The following GPR179 variants were observed in gnomAD, a reference collection of about 807,000 sequenced individuals.
GPR179 encodes the protein probable G protein-coupled receptor 179.
A neutral mutation model predicts 70.8 loss-of-function variants in GPR179; 52 were observed. That is an observed-to-expected ratio of 0.73 (90% confidence interval 0.59 to 0.93). GPR179 has a LOEUF of 0.93. Among genes scored for constraint, GPR179 ranks in the 40% least tolerant of loss-of-function variants. The pLI, the probability that GPR179 is intolerant of heterozygous loss-of-function variation, is 0.00. For synonymous variants in GPR179, 1,123 were observed against 1,169.0 expected, an observed-to-expected ratio of 0.96 and a Z score of 0.80; for missense variants, 2,734 against 2,966.8, an observed-to-expected ratio of 0.92 and a Z score of 1.82.
rs1233533520 is a variant in GPR179, at chr17:38,329,080, TC to T, written c.4488del (p.Thr1497GlnfsTer26). The part of the protein sequence containing the change: ...NVMGQEMLSL[G>X]TGRESLQEKE... ...TTTTCTTGAAGAGATTCTCTACCTG[TC>T]CCCAGACTCAGCATTTCCTGCCCCA... On this transcript the variant is annotated frameshift_variant, in exon 11 of 11. Coordinates refer to ENST00000616987, the MANE Select transcript of GPR179 (RefSeq NM_001004334.4). LOFTEE classifies it low-confidence loss of function (END_TRUNC). 22 of 1,612,604 alleles carry T rather than the reference TC, an allele frequency of 1.4e-5. No homozygotes were observed. Among genetic ancestry groups the T allele is most frequent in the Non-Finnish European group, 1.9e-5 (22 of 1,179,708 alleles).
rs2037475076 is a variant in GPR179 at position 38,343,899 on chromosome 17, T to C, written c.-110A>G. ...CCACGCCTCCTATGCTGGCGTTCCT[T>C]CTTCCTCTCTCCGTCTCCCTCTCAC... On this transcript the variant is annotated 5_prime_UTR_variant, in exon 1 of 11. Coordinates refer to ENST00000616987, the MANE Select transcript of GPR179 (RefSeq NM_001004334.4). The surrounding 1 kb of genome is among the most constrained non-coding windows in gnomAD (Gnocchi z 4.2). The C allele has an allele frequency of 4.6e-6, 4 of 861,116 alleles. No individual in the cohort carries two copies. Among genetic ancestry groups the C allele is most frequent in the South Asian group, 2.0e-5 (1 of 49,330 alleles). The allele number at this position is 861,116 out of a possible 1,614,324, so 53.3% of individuals were successfully genotyped here.
chr17:38,330,947 C>A lies in GPR179; in HGVS notation c.2622G>T (p.Lys874Asn). ...CCAGGCTGGCCATGGCTGCCTTGGC[C>A]TTCTTCCGCTCCTCCCGCTCCTTTG... ...RQAKEREERK[K>N]AKAAMASLVR... is the part of the protein sequence containing the mutation. Residue 874 changes from lysine to asparagine, a missense_variant, in exon 11 of 11, where the codon AAG (lysine) becomes AAT (asparagine). Lys to Asn is a moderately conservative substitution (Grantham distance 94, BLOSUM62 0). Transcript: ENST00000616987. 6.2e-7 allele frequency: 1 copy of A among 1,611,068 alleles called. No individual in the cohort carries two copies. The highest frequency in any genetic ancestry group is 8.5e-7 in the Non-Finnish European group (1 of 1,178,986).
chr17:38,339,057 C>T (rs1255548957), intron 2 of GPR179, among the ~76,000 whole-genome samples: 1 of 152,126 alleles, frequency 6.6e-6, no homozygotes, highest in Non-Finnish European at 1.5e-5. Flanking sequence ...AGCTGTGTTA[C>T]ATGAAGAATG....
At chr17:38,336,171 A>G in intron 4 of GPR179, 27 bp from the exon 5 acceptor site, 1 of 1,537,094 alleles carries the variant, frequency 6.5e-7, no homozygotes, top group Non-Finnish European at 9.0e-7. Context: ...GAGGCATGTG[A>G]GCAGAGTCTG....
At position 38,330,472 on chromosome 17, in the gene GPR179, G is replaced by A. The variant is rs1178660341; in HGVS notation, c.3097C>T (p.Leu1033Phe). Residue 1033 changes from leucine to phenylalanine, a missense_variant, in exon 11 of 11, where the codon CTC (leucine) becomes TTC (phenylalanine). Transcript: ENST00000616987. ...CTGCTTTTCTCTACTGCAACAGAGA[G>A]GGCCCTCCAGAGCCTGGCTCGAGCT... Reference protein sequence around the residue: ...APARARLWRALSVAVEKSRAG... With the variant: ...APARARLWRAFSVAVEKSRAG... 6.4e-7 allele frequency: 1 copy of A among 1,560,690 alleles called. No homozygotes were observed. Among genetic ancestry groups the A allele is most frequent in the Non-Finnish European group, 8.7e-7 (1 of 1,150,880 alleles).
At chr17:38,333,807 TCA>T in intron 9 of GPR179, 124 bp downstream of exon 9, 1 of 674,834 alleles carries the variant, frequency 1.5e-6, no homozygotes, top group East Asian at 2.8e-5. Context: ...GGCACTGTGC[TCA>T]CTCACCCAGC....
rs780392342 is a variant in GPR179, at chr17:38,334,758, A to G, written c.1730T>C (p.Met577Thr). The change falls in exon 8 of 11, where the codon ATG becomes ACG. Residue 577 changes from methionine to threonine, a missense_variant. By Grantham distance (81) the Met-to-Thr change is moderately conservative. Transcript: ENST00000616987. The surrounding 1 kb of genome is among the most constrained non-coding windows in gnomAD (Gnocchi z 4.7). ...VLSAFHEPRYMGIALHNELLL... is the reference protein window; with the variant it reads ...VLSAFHEPRYTGIALHNELLL... ...TAGCTCATTGTGCAGGGCGATGCCC[A>G]TGTAGCGTGGCTCATGGAAGGCCGA... 3 of 1,613,842 alleles carry G rather than the reference A, an allele frequency of 1.9e-6. No individual in the cohort carries two copies. Among genetic ancestry groups the G allele is most frequent in the Non-Finnish European group, 2.5e-6 (3 of 1,179,988 alleles).
At position 38,335,594 on chromosome 17, in the gene GPR179, T is replaced by A. The variant is rs1456083272; in HGVS notation, c.1403A>T (p.Tyr468Phe). The A allele has an allele frequency of 6.2e-7, 1 of 1,609,136 alleles. No individual in the cohort carries two copies. The highest frequency in any genetic ancestry group is 1.3e-5 in the African/African-American group (1 of 74,902). Residue 468 changes from tyrosine (Y) to phenylalanine (F), a missense_variant, in exon 6 of 11, where the codon TAC becomes TTC. Coordinates refer to ENST00000616987, the MANE Select transcript of GPR179 (RefSeq NM_001004334.4). ...IVYGTIILKL[Y>F]RVLQLFLSRT... ...CAAAGTCTGCCCCAGGCCGTACCTGTAAAGCTTGAGTATGATGGTGCCGTA... is the reference window on the plus strand; with the variant it reads ...CAAAGTCTGCCCCAGGCCGTACCTGAAAAGCTTGAGTATGATGGTGCCGTA...
intron 1 of GPR179, among the ~76,000 whole-genome samples, chr17:38,342,110 CTG>C (rs956741644): frequency 4.0e-5 from 6 of 150,504 alleles, no homozygotes; most frequent in African/African-American, 1.5e-4. Flanking sequence ...GAGCGAGACT[CTG>C]TCTTGAAAAA....
At chr17:38,337,828 G>T in intron 2 of GPR179, 108 bp from the exon 3 acceptor site, 1 of 920,372 alleles carries the variant, frequency 1.1e-6, no homozygotes, top group Non-Finnish European at 1.7e-6. Context: ...CATGGGACTT[G>T]GGTCCACACT....
chr17:38,326,220 G>C lies in GPR179; in HGVS notation c.*245C>G, dbSNP rs2037284092. On this transcript the variant is annotated 3_prime_UTR_variant, in exon 11 of 11. Coordinates refer to ENST00000616987, the MANE Select transcript of GPR179 (RefSeq NM_001004334.4). Reference sequence around the variant, plus strand: ...TGGGAGGCGTCCTTAGAAGTAGAGTGTCCAGTCTTTGTTTCCTCAAACAGG... The same window carrying C: ...TGGGAGGCGTCCTTAGAAGTAGAGTCTCCAGTCTTTGTTTCCTCAAACAGG... 2 of 485,814 alleles carry C rather than the reference G, an allele frequency of 4.1e-6. No homozygotes were observed. Among genetic ancestry groups the C allele is most frequent in the Admixed American group, 7.3e-5 (2 of 27,274 alleles). The allele number at this position is 485,814 out of a possible 1,614,324, so 30.1% of individuals were successfully genotyped here. A position where few individuals can be genotyped will look rare whatever the true frequency, so the allele number is the denominator to read the frequency against.
Position 38,326,309 on chromosome 17 carries a change from A to G in GPR179, c.*156T>C, listed in dbSNP as rs982129890. Reference sequence around the variant, plus strand: ...TTGGGGTCTAAGCTGTACCCTTTTCATGCAGTTTGTCTTTGGGATGGGTTG... The same window carrying G: ...TTGGGGTCTAAGCTGTACCCTTTTCGTGCAGTTTGTCTTTGGGATGGGTTG... On this transcript the variant is annotated 3_prime_UTR_variant, in exon 11 of 11. Coordinates refer to ENST00000616987, the MANE Select transcript of GPR179 (RefSeq NM_001004334.4). 4.9e-6 allele frequency: 3 copies of G among 606,900 alleles called. No homozygotes were observed. The highest frequency in any genetic ancestry group is 3.7e-5 in the African/African-American group (2 of 54,014). The allele number at this position is 606,900 out of a possible 1,614,324, so 37.6% of individuals were successfully genotyped here.
rs751232461 is a variant in GPR179 at position 38,330,593 on chromosome 17, G to A, written c.2976C>T (p.Ile992=). The change falls in exon 11 of 11, where the codon ATC becomes ATT. Residue 992 remains isoleucine (I), a synonymous_variant. Transcript: ENST00000616987. The part of the protein sequence containing the change: ...SPQSPNLLTY[I]CPWENAELPA... ...GCAGTTCTGCGTTCTCCCAGGGGCA[G>A]ATGTAGGTGAGTAAGTTGGGGCTTT... 1 of 1,580,124 alleles carries A rather than the reference G, an allele frequency of 6.3e-7. No homozygotes were observed. Among genetic ancestry groups the A allele is most frequent in the Non-Finnish European group, 8.6e-7 (1 of 1,164,818 alleles).
At position 38,331,411 on chromosome 17, in the gene GPR179, T is replaced by C. The variant is rs370979297; in HGVS notation, c.2158A>G (p.Met720Val). 3.7e-6 allele frequency: 6 copies of C among 1,614,058 alleles called. No homozygotes were observed. The African/African-American group carries it at 6.7e-5, about 18-fold the overall frequency. The change falls in exon 11 of 11, where the codon ATG (methionine) becomes GTG (valine). Residue 720 changes from methionine (M) to valine (V), a missense_variant. Transcript: ENST00000616987. ...SSCQGLGRSFMRYLAEFPEAL... is the reference protein window; with the variant it reads ...SSCQGLGRSFVRYLAEFPEAL... ...TCGGGGAATTCCGCCAGGTACCTCA[T>C]GAAGGAGCGGCCCAGTCCCTGGCAT...
Position 38,328,748 on chromosome 17 carries a change from T to C in GPR179, c.4821A>G (p.Ser1607=). ...ATTCTCCTCCTCTTGGCACCTGTGC[T>C]GATGTCCATTCCTCTCTTGTTCTTT... ...VNERTREEWT[S]AQVPRGGESQ... Residue 1607 remains serine, a synonymous_variant, in exon 11 of 11, where the codon TCA becomes TCG. Transcript: ENST00000616987. 6.2e-7 allele frequency: 1 copy of C among 1,613,678 alleles called. No homozygotes were observed. Among genetic ancestry groups the C allele is most frequent in the Non-Finnish European group, 8.5e-7 (1 of 1,179,864 alleles).
rs2144259591 is a variant in GPR179 at position 38,329,444 on chromosome 17, G to A, written c.4125C>T (p.Ile1375=). 6.2e-7 allele frequency: 1 copy of A among 1,614,088 alleles called. No homozygotes were observed. Residue 1375 remains isoleucine (I), a synonymous_variant, in exon 11 of 11, where the codon ATC becomes ATT. Transcript: ENST00000616987. ...AAGPEAHTPD[I]TKAEPCPWEA... ...CCCAGGGACACGGCTCTGCCTTGGT[G>A]ATGTCAGGGGTATGAGCTTCTGGGC...
In GPR179 at chr17:38,337,058, C is replaced by G; in HGVS notation, c.1147G>C (p.Ala383Pro). 6.2e-7 allele frequency: 1 copy of G among 1,608,182 alleles called. No individual in the cohort carries two copies. Among genetic ancestry groups the G allele is most frequent in the Non-Finnish European group, 8.5e-7 (1 of 1,178,110 alleles). ...LVEEAAVLRA[A>P]VLACQACCML... is the part of the protein sequence containing the mutation. Reference sequence around the variant, plus strand: ...CAGCAGGCCTGGCAGGCCAGCACAGCGGCCCGCAGCACCGCGGCCTCTTCC... The same window carrying G: ...CAGCAGGCCTGGCAGGCCAGCACAGGGGCCCGCAGCACCGCGGCCTCTTCC... The change falls in exon 4 of 11, where the codon GCT becomes CCT. Residue 383 changes from alanine to proline, a missense_variant. Transcript: ENST00000616987.
chr17:38,339,360 G>A, intron 2 of GPR179, 57 bp downstream of exon 2: 2 of 1,110,728 alleles, frequency 1.8e-6, no homozygotes, highest in Non-Finnish European at 2.7e-6. Context: ...TGGCGGTGAT[G>A]GGAAAAGGGG....
Position 38,340,932 on chromosome 17 carries a change from A to C in GPR179, c.795-1407T>G, listed in dbSNP as rs544733098. On this transcript the variant is annotated intron_variant, in intron 1 of 10. Transcript: ENST00000616987. ...AGTCCATCTCAAAAACAAACACACAAACAAACAAACAAACAAAAAACTTTG... is the reference window on the plus strand; with the variant it reads ...AGTCCATCTCAAAAACAAACACACACACAAACAAACAAACAAAAAACTTTG... Among the ~76,000 whole-genome samples, 14 of 142,612 alleles carry C rather than the reference A, an allele frequency of 9.8e-5. 1 individual carries two copies. In the South Asian group the frequency reaches 1.3e-3, roughly 13 times the overall value. 93.6% of individuals were successfully genotyped at this position (142,612 alleles called of 152,430 possible). A position where few individuals can be genotyped will look rare whatever the true frequency, so the allele number is the denominator to read the frequency against.
Sources: gnomAD v4.1 joint callset for allele counts (sites outside exome capture counted in the v4.1 genomes callset) on GRCh38, gnomAD v4.1.1 for gene constraint, Gnocchi (gnomAD v3.1) non-coding constraint, MANE v1.5 for transcripts, NCBI Gene and HGNC (gene_info 2026-07-23, HGNC 2026-07-21) for gene names.